CAMTA1: variants seen among roughly 807,000 people sequenced by gnomAD.
CAMTA1 encodes the protein calmodulin binding transcription activator 1, also known as calmodulin-binding transcription activator 1.
Under a neutral mutation model 170.9 loss-of-function variants are expected in CAMTA1, and 27 were observed. That is an observed-to-expected ratio of 0.16 (90% CI 0.12 to 0.22). The LOEUF (loss-of-function observed/expected upper bound fraction) is 0.22. Ranked by LOEUF, CAMTA1 falls within the 10% of genes least tolerant of loss-of-function variation. CAMTA1 has a pLI of 1.00. For synonymous variants in CAMTA1, 833 were observed against 891.5 expected, an observed-to-expected ratio of 0.93 and a Z score of 1.17; for missense variants, 1,619 against 2,217.2, an observed-to-expected ratio of 0.73 and a Z score of 5.42.
rs908642945 is a variant in CAMTA1, at chr1:6,806,510, C to T, written c.46-13671C>T. 2.0e-5 allele frequency among the ~76,000 whole-genome samples: 3 copies of T among 152,098 alleles called. 1 individual carries two copies. The South Asian group carries it at 6.2e-4, about 32-fold the overall frequency. On this transcript the variant is annotated intron_variant, in intron 1 of 22. Transcript: ENST00000303635. ...AGGAAGTCCTGGCTAACTCAGACAC[C>T]CAAGCATCTTGCCTTAAAAACACAA...
chr1:7,203,502 T>TA (rs537308516), intron 4 of CAMTA1, among the ~76,000 whole-genome samples: 404 of 151,724 alleles, frequency 2.7e-3, no homozygotes, highest in Middle Eastern at 6.8e-3. Flanking sequence ...TTTTTTTTTT[T>TA]TTTTAAATTG....
intron 11 of CAMTA1, among the ~76,000 whole-genome samples, chr1:7,726,193 T>A (rs2096684862): frequency 6.6e-6 from 1 of 151,746 alleles, no homozygotes; most frequent in South Asian, 2.1e-4. Flanking sequence ...TTGTATCATT[T>A]GATACTTCCT....
At chr1:6,834,436 G>A in intron 3 of CAMTA1, 1 of 223,910 alleles carries the variant, frequency 4.5e-6, no homozygotes, top group Non-Finnish European at 9.3e-6. Context: ...GCCTCGTTCG[G>A]CCAGTCCTGG....
chr1:7,745,926 C>A lies in CAMTA1; in HGVS notation c.4452C>A (p.Phe1484Leu), dbSNP rs139839670. 3.1e-5 allele frequency: 50 copies of A among 1,614,190 alleles called. No homozygotes were observed. The East Asian group carries it at 1.1e-3, about 35-fold the overall frequency. Residue 1484 changes from phenylalanine to leucine, a missense_variant, in exon 18 of 23, where the codon TTC (phenylalanine) becomes TTA (leucine). Physicochemically the swap from Phe to Leu is conservative, Grantham distance 22. Around this residue, in one of 8 missense-constraint regions of CAMTA1, gnomAD observed 370 missense variants for 429.4 expected, o/e 0.86. Coordinates refer to ENST00000303635, the MANE Select transcript of CAMTA1 (RefSeq NM_015215.4). ...PVGSPVSEIA[F>L]EKPNLPSAAD... ...GCTCTCCCGTCAGTGAAATCGCTTTCGAGAAACCTAACCTTCCCTCCGCCG... is the reference window on the plus strand; with the variant it reads ...GCTCTCCCGTCAGTGAAATCGCTTTAGAGAAACCTAACCTTCCCTCCGCCG...
chr1:6,882,664 G>A (rs1168599995), intron 3 of CAMTA1, among the ~76,000 whole-genome samples: 1 of 152,042 alleles, frequency 6.6e-6, no homozygotes, highest in African/African-American at 2.4e-5. Context: ...ATAGGCAGTC[G>A]TATGTTTGAG....
At chr1:7,643,461 A>G (rs967393935) in intron 7 of CAMTA1, among the ~76,000 whole-genome samples, 1 of 152,184 alleles carries the variant, frequency 6.6e-6, no homozygotes, top group Non-Finnish European at 1.5e-5. Flanking sequence ...ATTCTTCTCG[A>G]CACACACAGA....
intron 3 of CAMTA1, chr1:6,872,038 A>G (rs949165736): frequency 9.5e-7 from 1 of 1,056,756 alleles, no homozygotes; most frequent in Non-Finnish European, 1.2e-6. Flanking sequence ...CTGTGTTTTC[A>G]TCCTTTTAAA....
At chr1:6,817,644 T>C (rs965025084) in intron 1 of CAMTA1, among the ~76,000 whole-genome samples, 1 of 152,236 alleles carries the variant, frequency 6.6e-6, no homozygotes, top group Non-Finnish European at 1.5e-5. Flanking sequence ...ACTACTTTTT[T>C]TGTTTTTGTG....
chr1:6,978,770 G>A (rs1311000531), intron 3 of CAMTA1, among the ~76,000 whole-genome samples: 1 of 152,104 alleles, frequency 6.6e-6, no homozygotes. Flanking sequence ...CAGGATGGAT[G>A]TATTCTATTG....
intron 3 of CAMTA1, among the ~76,000 whole-genome samples, chr1:6,920,089 A>G (rs896278637): frequency 6.6e-6 from 1 of 152,184 alleles, no homozygotes; most frequent in African/African-American, 2.4e-5. Context: ...GTCCAAGTCC[A>G]GAGTCTCATC....
At chr1:7,339,854 C>G (rs2083664324) in intron 5 of CAMTA1, among the ~76,000 whole-genome samples, 1 of 152,226 alleles carries the variant, frequency 6.6e-6, no homozygotes, top group South Asian at 2.1e-4. Flanking sequence ...ACCTCAGCCT[C>G]TCTGAGTGCT....
intron 4 of CAMTA1, among the ~76,000 whole-genome samples, chr1:7,192,894 G>A (rs968906969): frequency 2.0e-5 from 3 of 152,224 alleles, no homozygotes; most frequent in African/African-American, 7.2e-5. Flanking sequence ...TTTAGTCTGA[G>A]GTTCTAAGTC....
chr1:6,884,168 T>A (rs556005427), intron 3 of CAMTA1, among the ~76,000 whole-genome samples: 9 of 147,330 alleles, frequency 6.1e-5, no homozygotes, highest in Middle Eastern at 3.5e-3. Flanking sequence ...TTCTCACTCC[T>A]TCTGAGGGGA....
chr1:7,372,899 G>C (rs2086583648), intron 5 of CAMTA1, among the ~76,000 whole-genome samples: 1 of 152,176 alleles, frequency 6.6e-6, no homozygotes, highest in Non-Finnish European at 1.5e-5. Flanking sequence ...GCTGCACCCT[G>C]GTGGAGCAAA....
chr1:7,560,508 T>C (rs1182469355), intron 6 of CAMTA1, among the ~76,000 whole-genome samples: 1 of 152,176 alleles, frequency 6.6e-6, no homozygotes, highest in African/African-American at 2.4e-5. Context: ...GGATGGCCAA[T>C]GTCTCCATCA....
rs1477596551 is a variant in CAMTA1 at position 7,642,877 on chromosome 1, A to C, written c.664+2324A>C. Among the ~76,000 whole-genome samples, 2 of 152,180 alleles carry C rather than the reference A, an allele frequency of 1.3e-5. No individual in the cohort carries two copies. The highest frequency in any genetic ancestry group is 4.8e-5 in the African/African-American group (2 of 41,532). ...CCCGGCTCAGCTCCTCCACCCCTGC[A>C]CACCATGTCCAAGGGGCTGAGGCTG... On this transcript the variant is annotated intron_variant, in intron 7 of 22. Coordinates refer to ENST00000303635, the MANE Select transcript of CAMTA1 (RefSeq NM_015215.4). The surrounding 1 kb of genome is among the most constrained non-coding windows in gnomAD (Gnocchi z 6.3).
chr1:7,652,929 C>T, intron 7 of CAMTA1, among the ~76,000 whole-genome samples: 1 of 152,222 alleles, frequency 6.6e-6, no homozygotes, highest in Non-Finnish European at 1.5e-5. Context: ...CATAACTTCT[C>T]TGAGTCTCGG....
intron 3 of CAMTA1, among the ~76,000 whole-genome samples, chr1:6,899,979 A>G (rs922613053): frequency 6.6e-6 from 1 of 152,240 alleles, no homozygotes. Flanking sequence ...TCAGTTACCT[A>G]TAATTGAGAC....
intron 5 of CAMTA1, among the ~76,000 whole-genome samples, chr1:7,326,205 C>T (rs547758490): frequency 3.3e-5 from 5 of 152,112 alleles, no homozygotes; most frequent in South Asian, 4.2e-4. Context: ...ATTTTGAGAG[C>T]CTTCTTTAAG....
Sources: gnomAD v4.1 joint callset for allele counts (sites outside exome capture counted in the v4.1 genomes callset) on GRCh38, gnomAD v4.1.1 for gene constraint, gnomAD v4.1.1 regional missense constraint, Gnocchi (gnomAD v3.1) non-coding constraint, MANE v1.5 for transcripts, NCBI Gene and HGNC (gene_info 2026-07-23, HGNC 2026-07-21) for gene names.